FAM151B: variants seen among roughly 807,000 people sequenced by gnomAD.
FAM151B encodes the protein protein FAM151B.
A neutral mutation model predicts 31.2 loss-of-function variants in FAM151B; 24 were observed. That is an observed-to-expected ratio of 0.77 (90% confidence interval 0.56 to 1.08). FAM151B has a LOEUF of 1.08. FAM151B is among the 50% of genes least tolerant of loss of function. FAM151B has a pLI of 0.00. For synonymous variants in FAM151B, 105 were observed against 111.4 expected (o/e 0.94, Z 0.36); for missense variants, 293 against 328.6 (o/e 0.89, Z 0.84).
intron 5 of FAM151B, among the ~76,000 whole-genome samples, chr5:80,536,544 G>A (rs1488778665): frequency 2.6e-5 from 4 of 152,086 alleles, no homozygotes; most frequent in South Asian, 2.1e-4. Flanking sequence ...CCACTGCTCG[G>A]TATGTAAACA....
chr5:80,523,616 C>T (rs1580444227), intron 5 of FAM151B, among the ~76,000 whole-genome samples: 1 of 152,076 alleles, frequency 6.6e-6, no homozygotes, highest in South Asian at 2.1e-4. Flanking sequence ...ATGGTACACC[C>T]ATATGATGGA....
chr5:80,500,200 C>A lies in FAM151B; in HGVS notation c.26-1592C>A, dbSNP rs536748204. ...ACTTATATGTGGAATAAAAAAAAAT[C>A]AAATATAACAGAAATAGATGACAAA... On this transcript the variant is annotated intron_variant, in intron 1 of 5. Transcript: ENST00000282226. 1.0e-5 allele frequency: 5 copies of A among 494,528 alleles called. No individual in the cohort carries two copies. In the South Asian group the frequency reaches 1.1e-4, roughly 11 times the overall value. 30.6% of individuals were successfully genotyped at this position (494,528 alleles called of 1,614,324 possible). A position where few individuals can be genotyped will look rare whatever the true frequency, so the allele number is the denominator to read the frequency against.
intron 1 of FAM151B, among the ~76,000 whole-genome samples, chr5:80,495,830 CAAAAAAAAAAAAAAAA>C (rs3072031): frequency 3.4e-5 from 3 of 88,104 alleles, no homozygotes; most frequent in Non-Finnish European, 6.0e-5. Flanking sequence ...GACTCCGTCT[CAAAAAAAAAAAAAAAA>C]AAAAAAAAAA....
chr5:80,493,967 G>A lies in FAM151B; in HGVS notation c.25+5819G>A, dbSNP rs897669454. On this transcript the variant is annotated intron_variant, in intron 1 of 5. Coordinates refer to ENST00000282226, the MANE Select transcript of FAM151B (RefSeq NM_205548.3). The stretch of plus-strand genomic sequence containing the variant: ...TTTTGTGGCTCGGGGTCATCATCAC[G>A]GTCCTACCAATATGTGATGTCACCC... Among the ~76,000 whole-genome samples the A allele has an allele frequency of 5.3e-5, 8 of 152,050 alleles. No individual in the cohort carries two copies. In the East Asian group the frequency reaches 7.7e-4, roughly 15 times the overall value.
chr5:80,498,695 C>T, intron 1 of FAM151B: 3 of 604,328 alleles, frequency 5.0e-6, no homozygotes, highest in South Asian at 1.4e-5. Context: ...TCAGGACAGC[C>T]AGCTTCATCT....
At chr5:80,520,078 T>C (rs1465857754) in intron 4 of FAM151B, among the ~76,000 whole-genome samples, 168 bp downstream of exon 4, 2 of 152,184 alleles carry the variant, frequency 1.3e-5, no homozygotes, top group African/African-American at 4.8e-5. Flanking sequence ...CTCTTTCAGA[T>C]AGATGCCATG....
intron 5 of FAM151B, among the ~76,000 whole-genome samples, chr5:80,528,084 AC>A (rs1174206039): frequency 6.6e-6 from 1 of 152,186 alleles, no homozygotes; most frequent in Non-Finnish European, 1.5e-5. Flanking sequence ...CAAAAACTAT[AC>A]TTCCAGGGAT....
intron 2 of FAM151B, among the ~76,000 whole-genome samples, chr5:80,507,583 A>C (rs1654205227): frequency 6.6e-6 from 1 of 152,194 alleles, no homozygotes; most frequent in South Asian, 2.1e-4. Flanking sequence ...TGGGAGGCTC[A>C]GGCAGGAGAA....
At chr5:80,540,652 G>A (rs1383294411) in intron 5 of FAM151B, among the ~76,000 whole-genome samples, 1 of 152,098 alleles carries the variant, frequency 6.6e-6, no homozygotes, top group African/African-American at 2.4e-5. Context: ...TTTTCACCAT[G>A]GTGCCCAGAT....
In FAM151B at chr5:80,501,811, AC is replaced by A. The variant is rs759523231; in HGVS notation, c.46del (p.Leu16TrpfsTer5). On this transcript the variant is annotated frameshift_variant, in exon 2 of 6. Transcript: ENST00000282226. LOFTEE classifies it high-confidence loss of function. ...GGPGSWSENILEYFLRNSQIT... is the reference protein window; with the variant it reads ...GGPGSWSENIXEYFLRNSQIT... ...TTTTAGGATCTTGGAGTGAAAATAT[AC>A]TGGAATATTTTCTGAGAAATAGCCA... is the stretch of plus-strand genomic sequence containing the variant. 6.5e-5 allele frequency: 104 copies of A among 1,602,570 alleles called. No individual in the cohort carries two copies. Among genetic ancestry groups the A allele is most frequent in the Non-Finnish European group, 8.6e-5 (101 of 1,172,552 alleles).
chr5:80,537,134 A>G (rs1745552164), intron 5 of FAM151B, among the ~76,000 whole-genome samples: 1 of 152,260 alleles, frequency 6.6e-6, no homozygotes. Context: ...ACATCAAAAC[A>G]TCTCATGTAC....
intron 4 of FAM151B, among the ~76,000 whole-genome samples, chr5:80,520,165 CT>C (rs1369168827): frequency 6.6e-6 from 1 of 152,088 alleles, no homozygotes; most frequent in African/African-American, 2.4e-5. Context: ...TTAGCAATCT[CT>C]TTTTCTAATT....
At chr5:80,488,573 G>T (rs544965659) in intron 1 of FAM151B, among the ~76,000 whole-genome samples, 2 of 152,368 alleles carry the variant, frequency 1.3e-5, no homozygotes, top group African/African-American at 4.8e-5. Flanking sequence ...TGAGCGCGCT[G>T]CCTGGAAAGC....
intron 5 of FAM151B, among the ~76,000 whole-genome samples, chr5:80,523,269 A>G (rs1744801605): frequency 6.6e-6 from 1 of 152,208 alleles, no homozygotes; most frequent in African/African-American, 2.4e-5. Flanking sequence ...AAAGACCCCC[A>G]ATGTGTATGT....
At chr5:80,539,349 T>C (rs959419233) in intron 5 of FAM151B, among the ~76,000 whole-genome samples, 5 of 144,666 alleles carry the variant, frequency 3.5e-5, no homozygotes, top group African/African-American at 1.3e-4. Flanking sequence ...TTTACCATGG[T>C]GTTCTTGGTC....
chr5:80,540,363 A>G (rs930833642), intron 5 of FAM151B, among the ~76,000 whole-genome samples: 4 of 152,088 alleles, frequency 2.6e-5, no homozygotes, highest in African/African-American at 9.7e-5. Flanking sequence ...ATTACACTGG[A>G]GTTTACTTTG....
intron 1 of FAM151B, among the ~76,000 whole-genome samples, chr5:80,488,698 T>G (rs1026472259): frequency 4.6e-5 from 7 of 152,242 alleles, no homozygotes; most frequent in Non-Finnish European, 1.0e-4. Flanking sequence ...AGTAGTGGCA[T>G]GAGACAACGT....
intron 1 of FAM151B, among the ~76,000 whole-genome samples, chr5:80,495,889 G>A (rs906831875): frequency 4.0e-5 from 6 of 149,004 alleles, no homozygotes; most frequent in Non-Finnish European, 5.9e-5. Flanking sequence ...AATTAGAATG[G>A]AGCCTGAAGA....
intron 1 of FAM151B, among the ~76,000 whole-genome samples, chr5:80,489,918 T>C (rs1743248747): frequency 6.6e-6 from 1 of 151,006 alleles, no homozygotes; most frequent in Non-Finnish European, 1.5e-5. Context: ...AGAGAAACTG[T>C]CTCAAAACAA....
Sources: gnomAD v4.1 joint callset for allele counts (sites outside exome capture counted in the v4.1 genomes callset) on GRCh38, gnomAD v4.1.1 for gene constraint, MANE v1.5 for transcripts, NCBI Gene and HGNC (gene_info 2026-07-23, HGNC 2026-07-21) for gene names.